Variants in BTBD3 observed in about 807,000 individuals in gnomAD.
BTBD3 encodes BTB/POZ domain-containing protein 3.
BTBD3 carries 14 observed loss-of-function variants against 41.6 expected under a neutral mutation model. That is an observed-to-expected ratio of 0.34 (90% CI 0.22 to 0.53). The LOEUF (loss-of-function observed/expected upper bound fraction) is 0.53, where lower values mean the gene tolerates loss of function less well. Among genes scored for constraint, BTBD3 ranks in the 20% least tolerant of loss-of-function variants. The pLI is 0.95. For missense variants in BTBD3, 426 were observed against 654.7 expected, an observed-to-expected ratio of 0.65 and a Z score of 3.81; for synonymous variants, 249 against 233.7, an observed-to-expected ratio of 1.07 and a Z score of -0.60.
At chr20:11,917,665 T>TC (rs1253893319), upstream of BTBD3, 4 of 150,282 alleles carry the variant, frequency 2.7e-5, no homozygotes, top group Non-Finnish European at 5.9e-5. Context: ...CATAAACTCC[T>TC]CCCTTCCTGT....
At chr20:11,892,724 T>C (rs1017973717) in intron 1 of BTBD3, among the ~76,000 whole-genome samples, 23 of 152,240 alleles carry the variant, frequency 1.5e-4, no homozygotes, top group African/African-American at 5.5e-4. Context: ...AACAATGTTT[T>C]CTTTTCCTTT....
chr20:11,922,650 G>T lies in BTBD3; in HGVS notation c.553G>T (p.Glu185Ter), dbSNP rs769242030. The part of the protein sequence containing the change: ...LAMLKYIYCD[E>*]IDLAADTVLA... Reference sequence around the variant, plus strand: ...TTTTTACAGATATATCTATTGTGATGAAATTGACTTGGCTGCTGACACAGT... The same window carrying T: ...TTTTTACAGATATATCTATTGTGATTAAATTGACTTGGCTGCTGACACAGT... The change falls in exon 4 of 4, where the codon GAA becomes TAA. Residue 185 changes from glutamate to a stop codon, truncating the protein, a stop_gained. Transcript: ENST00000378226. LOFTEE classifies it high-confidence loss of function. 1 of 1,613,182 alleles carries T rather than the reference G, an allele frequency of 6.2e-7. No individual in the cohort carries two copies. The highest frequency in any genetic ancestry group is 1.1e-5 in the South Asian group (1 of 90,942).
At position 11,924,940 on chromosome 20, in the gene BTBD3, A is replaced by T. The variant is rs1203485482; in HGVS notation, c.*1274A>T. On this transcript the variant is annotated 3_prime_UTR_variant, in exon 4 of 4. Transcript: ENST00000378226. ...CTAGCTCCCTTACTTGTCCACAGATAATGTAAACAAAGGAGGGAAAAACTT... is the reference window on the plus strand; with the variant it reads ...CTAGCTCCCTTACTTGTCCACAGATTATGTAAACAAAGGAGGGAAAAACTT... 1 of 152,662 alleles carries T rather than the reference A, an allele frequency of 6.6e-6. No homozygotes were observed. The highest frequency in any genetic ancestry group is 1.5e-5 in the Non-Finnish European group (1 of 68,042). 9.5% of individuals were successfully genotyped at this position (152,662 alleles called of 1,614,324 possible). A position where few individuals can be genotyped will look rare whatever the true frequency, so the allele number is the denominator to read the frequency against.
chr20:11,905,412 T>C (rs866254792), intron 1 of BTBD3, among the ~76,000 whole-genome samples: 1 of 152,174 alleles, frequency 6.6e-6, no homozygotes, highest in Non-Finnish European at 1.5e-5. Context: ...TTTCATGACG[T>C]AGAATATTTT....
At chr20:11,915,435 T>TGC (rs2056912130), upstream of BTBD3, among the ~76,000 whole-genome samples, 1 of 152,222 alleles carries the variant, frequency 6.6e-6, no homozygotes, top group African/African-American at 2.4e-5. Context: ...TGGCACCAGA[T>TGC]GTTGGTACTG....
chr20:11,897,300 G>A (rs1409619769), intron 1 of BTBD3, among the ~76,000 whole-genome samples: 1 of 152,020 alleles, frequency 6.6e-6, no homozygotes, highest in Non-Finnish European at 1.5e-5. Flanking sequence ...ATATGTGAAA[G>A]ACGCTTCAGC....
Position 11,922,706 on chromosome 20 carries a change from C to T in BTBD3, c.609C>T (p.Tyr203=). 6.2e-7 allele frequency: 1 copy of T among 1,614,218 alleles called. No individual in the cohort carries two copies. The highest frequency in any genetic ancestry group is 8.5e-7 in the Non-Finnish European group (1 of 1,180,038). ...VLATLYAAKK[Y]IVPHLARACV... is the part of the protein sequence containing the mutation. ...CCACACTTTATGCTGCCAAAAAGTA[C>T]ATTGTCCCTCACCTTGCCAGAGCCT... The change falls in exon 4 of 4, where the codon TAC becomes TAT. Residue 203 remains tyrosine (Y), a synonymous_variant. Transcript: ENST00000378226.
chr20:11,906,282 T>G (rs1414945047), intron 1 of BTBD3, among the ~76,000 whole-genome samples: 1 of 132,688 alleles, frequency 7.5e-6, no homozygotes, highest in African/African-American at 2.8e-5. Flanking sequence ...TTTTTTTTTT[T>G]GAGACGGAGT....
chr20:11,917,402 CTA>C (rs1600243394), upstream of BTBD3, among the ~76,000 whole-genome samples: 1 of 151,750 alleles, frequency 6.6e-6, no homozygotes, highest in Non-Finnish European at 1.5e-5. Context: ...TAGCACTAGA[CTA>C]TGACTTGCAC....
intron 3 of BTBD3, among the ~76,000 whole-genome samples, chr20:11,920,766 G>A (rs1030804369): frequency 1.4e-4 from 22 of 152,104 alleles, no homozygotes; most frequent in Admixed American, 1.1e-3. Context: ...TAAGTAAAAT[G>A]TTTGTTGAAA....
At chr20:11,919,678 T>A in intron 2 of BTBD3, 40 bp from the exon 3 acceptor site, 3 of 1,580,866 alleles carry the variant, frequency 1.9e-6, no homozygotes, top group Non-Finnish European at 2.6e-6. Flanking sequence ...GGAAATGCCT[T>A]CAATTTAGTG....
chr20:11,914,209 T>A (rs921755613), upstream of BTBD3, among the ~76,000 whole-genome samples: 1 of 152,184 alleles, frequency 6.6e-6, no homozygotes, highest in African/African-American at 2.4e-5. Flanking sequence ...GTGGGTGATG[T>A]TTCTGGGTTA....
intron 1 of BTBD3, among the ~76,000 whole-genome samples, chr20:11,905,419 T>C (rs1382433933): frequency 6.6e-6 from 1 of 152,218 alleles, no homozygotes; most frequent in African/African-American, 2.4e-5. Context: ...ACGTAGAATA[T>C]TTTAAAAGTG....
intron 1 of BTBD3, among the ~76,000 whole-genome samples, chr20:11,902,448 G>A (rs2056829638): frequency 6.6e-6 from 1 of 152,070 alleles, no homozygotes; most frequent in Non-Finnish European, 1.5e-5. Flanking sequence ...CATCACTAAT[G>A]GCACTTTGTA....
chr20:11,908,382 A>G (rs949239328), intron 1 of BTBD3, among the ~76,000 whole-genome samples: 3 of 115,274 alleles, frequency 2.6e-5, no homozygotes, highest in Non-Finnish European at 5.3e-5. Flanking sequence ...TTGAAGATGT[A>G]TTTTGACTTT....
rs1218593418 is a variant in BTBD3 at position 11,918,151 on chromosome 20, T to C, written c.-125T>C. On this transcript the variant is annotated 5_prime_UTR_variant, in exon 1 of 4. Coordinates refer to ENST00000378226, the MANE Select transcript of BTBD3 (RefSeq NM_014962.4). ...TAGTGAAAAGGTCACCTTGCCTGGC[T>C]GAGAAAAGCAGCAAAATATCAGCTT... 2 of 1,483,170 alleles carry C rather than the reference T, an allele frequency of 1.3e-6. No homozygotes were observed. Among genetic ancestry groups the C allele is most frequent in the Non-Finnish European group, 1.8e-6 (2 of 1,128,722 alleles). 91.9% of individuals were successfully genotyped at this position (1,483,170 alleles called of 1,614,324 possible).
chr20:11,903,038 G>T (rs1207933219), intron 1 of BTBD3, among the ~76,000 whole-genome samples: 1 of 152,018 alleles, frequency 6.6e-6, no homozygotes, highest in African/African-American at 2.4e-5. Context: ...CAAACCCATA[G>T]CGTTCAAGGG....
intron 1 of BTBD3, among the ~76,000 whole-genome samples, chr20:11,908,915 A>G (rs1007740535): frequency 2.0e-5 from 3 of 152,190 alleles, no homozygotes; most frequent in African/African-American, 7.2e-5. Flanking sequence ...GTACTTCACA[A>G]CAGTTGATGG....
intron 1 of BTBD3, among the ~76,000 whole-genome samples, chr20:11,905,891 A>C (rs1055203303): frequency 4.6e-5 from 7 of 152,110 alleles, no homozygotes; most frequent in Non-Finnish European, 7.4e-5. Context: ...CACTTGTTCT[A>C]CTTACTTTCT....
Sources: gnomAD v4.1 joint callset for allele counts (sites outside exome capture counted in the v4.1 genomes callset) on GRCh38, gnomAD v4.1.1 for gene constraint, MANE v1.5 for transcripts, NCBI Gene and HGNC (gene_info 2026-07-23, HGNC 2026-07-21) for gene names.